KATNAL2: variants seen among roughly 807,000 people sequenced by gnomAD.
The protein encoded by KATNAL2 is katanin catalytic subunit A1 like 2.
Under a neutral mutation model 76.3 loss-of-function variants are expected in KATNAL2, and 52 were observed. The ratio of observed to expected loss-of-function variants is 0.68; its 90% confidence interval spans 0.55 to 0.86. KATNAL2 has a LOEUF of 0.86. KATNAL2 is among the 40% of genes least tolerant of loss of function. The pLI, the probability that KATNAL2 is intolerant of heterozygous loss-of-function variation, is 0.00. For synonymous variants in KATNAL2, 243 were observed against 244.2 expected, an observed-to-expected ratio of 1.00 and a Z score of 0.05; for missense variants, 660 against 668.9, an observed-to-expected ratio of 0.99 and a Z score of 0.15.
intron 3 of KATNAL2, among the ~76,000 whole-genome samples, chr18:47,031,958 C>G (rs1347946966): frequency 6.6e-6 from 1 of 152,110 alleles, no homozygotes; most frequent in African/African-American, 2.4e-5. Context: ...CAACAAATGC[C>G]CTGCTTTATA....
intron 13 of KATNAL2, among the ~76,000 whole-genome samples, chr18:47,072,847 T>C (rs529715999): frequency 1.3e-5 from 2 of 152,326 alleles, no homozygotes; most frequent in Non-Finnish European, 2.9e-5. Context: ...CACACTATTA[T>C]AGATAAAGCA....
intron 1 of KATNAL2, among the ~76,000 whole-genome samples, chr18:46,934,184 A>C (rs1378345189): frequency 6.6e-6 from 1 of 152,094 alleles, no homozygotes; most frequent in Non-Finnish European, 1.5e-5. Flanking sequence ...GGCTGGGTCA[A>C]ATGGTATTTC....
intron 13 of KATNAL2, among the ~76,000 whole-genome samples, chr18:47,072,744 C>G (rs2062050993): frequency 6.6e-6 from 1 of 152,204 alleles, no homozygotes; most frequent in African/African-American, 2.4e-5. Context: ...TAGCATCTCC[C>G]TGCCTTTCTA....
intron 1 of KATNAL2, among the ~76,000 whole-genome samples, chr18:46,923,568 A>G (rs554777849): frequency 0.011 from 1,677 of 152,276 alleles, 17 homozygotes; most frequent in Non-Finnish European, 0.017. Flanking sequence ...AGCATGATTT[A>G]TAATCCTTTG....
At chr18:47,067,344 A>C (rs1248105620) in intron 11 of KATNAL2, among the ~76,000 whole-genome samples, 2 of 152,208 alleles carry the variant, frequency 1.3e-5, no homozygotes, top group Non-Finnish European at 2.9e-5. Context: ...GTCTGAGCTA[A>C]GTGAAACTTT....
At chr18:47,038,613 G>A (rs762486173) in intron 3 of KATNAL2, among the ~76,000 whole-genome samples, 2 of 152,130 alleles carry the variant, frequency 1.3e-5, no homozygotes, top group Non-Finnish European at 2.9e-5. Context: ...CAAAAGGGTT[G>A]TACCAACTTA....
chr18:46,919,007 ATGTGTGTG>A lies in KATNAL2; in HGVS notation c.-510+1099_-510+1106del, dbSNP rs112427539. 2.2e-3 allele frequency among the ~76,000 whole-genome samples: 322 copies of A among 143,306 alleles called. 2 individuals carry two copies. The highest frequency in any genetic ancestry group is 3.7e-3 in the Non-Finnish European group (247 of 66,330). The allele number at this position is 143,306 out of a possible 152,430, so 94.0% of individuals were successfully genotyped here. A position where few individuals can be genotyped will look rare whatever the true frequency, so the allele number is the denominator to read the frequency against. ...TATGTGTGTGCGTGTATATATATAT[ATGTGTGTG>A]TGTGTGTGTGTGTGTGTTGTGTATA... On this transcript the variant is annotated intron_variant, in intron 1 of 17. Coordinates refer to ENST00000683218, the MANE Select transcript of KATNAL2 (RefSeq NM_001387690.1).
chr18:47,093,401 C>CT (rs557793941), intron 15 of KATNAL2, among the ~76,000 whole-genome samples: 15,266 of 127,668 alleles, frequency 0.12, 1,010 homozygotes, highest in African/African-American at 0.17. Flanking sequence ...TTTCTCTGTC[C>CT]TTTTTTTTTT....
At chr18:46,925,588 C>T (rs1424408391) in intron 1 of KATNAL2, among the ~76,000 whole-genome samples, 1 of 152,190 alleles carries the variant, frequency 6.6e-6, no homozygotes, top group Non-Finnish European at 1.5e-5. Context: ...CAGGATGATG[C>T]TGGCCTCATA....
At chr18:47,078,287 G>A (rs2062336738) in intron 15 of KATNAL2, among the ~76,000 whole-genome samples, 1 of 152,040 alleles carries the variant, frequency 6.6e-6, no homozygotes, top group South Asian at 2.1e-4. Context: ...AAACTCTTCT[G>A]TAGTGCATGC....
At chr18:47,040,797 A>T (rs2060936456) in intron 3 of KATNAL2, among the ~76,000 whole-genome samples, 1 of 152,194 alleles carries the variant, frequency 6.6e-6, no homozygotes, top group Non-Finnish European at 1.5e-5. Flanking sequence ...TTTAAAAAAG[A>T]ATGTGACCAA....
chr18:46,928,266 G>A (rs1023218426), intron 1 of KATNAL2, among the ~76,000 whole-genome samples: 33 of 152,118 alleles, frequency 2.2e-4, no homozygotes, highest in Admixed American at 1.2e-3. Context: ...GGTTTTTGGT[G>A]TGGATGTCCT....
intron 11 of KATNAL2, 67 bp downstream of exon 11, chr18:47,067,186 C>A: frequency 2.8e-6 from 2 of 718,980 alleles, no homozygotes; most frequent in Non-Finnish European, 4.7e-6. Flanking sequence ...GTATGTCACA[C>A]AACTATCAGG....
At chr18:46,938,104 A>C (rs2059144713) in intron 1 of KATNAL2, among the ~76,000 whole-genome samples, 1 of 152,204 alleles carries the variant, frequency 6.6e-6, no homozygotes, top group African/African-American at 2.4e-5. Flanking sequence ...AAAATTAAAA[A>C]AAAATGCTTT....
At chr18:47,031,594 A>T (rs565183055) in intron 3 of KATNAL2, among the ~76,000 whole-genome samples, 1 of 152,164 alleles carries the variant, frequency 6.6e-6, no homozygotes, top group Admixed American at 6.5e-5. Flanking sequence ...ACTTCCAGCT[A>T]CTTCTCCAGG....
chr18:47,035,329 C>G (rs1400245673), intron 3 of KATNAL2: 70 of 1,607,438 alleles, frequency 4.4e-5, no homozygotes, highest in Non-Finnish European at 5.7e-5. Flanking sequence ...GGCTGCGGGA[C>G]AGGAAGTCTG....
At chr18:47,067,702 T>C (rs2061856662) in intron 11 of KATNAL2, among the ~76,000 whole-genome samples, 1 of 152,240 alleles carries the variant, frequency 6.6e-6, no homozygotes. Context: ...ACAAATGGGT[T>C]AATGAGGAGA....
chr18:46,939,618 C>G (rs534650788), intron 1 of KATNAL2, among the ~76,000 whole-genome samples: 4 of 152,146 alleles, frequency 2.6e-5, no homozygotes, highest in Non-Finnish European at 5.9e-5. Flanking sequence ...ATCTTGCATG[C>G]TAGCCACAGT....
intron 15 of KATNAL2, among the ~76,000 whole-genome samples, chr18:47,085,137 G>T (rs1256502446): frequency 6.6e-6 from 1 of 152,184 alleles, no homozygotes; most frequent in Non-Finnish European, 1.5e-5. Flanking sequence ...TGGCGATTAA[G>T]CTTTACAGCC....
Sources: allele counts gnomAD v4.1 joint callset (sites outside exome capture counted in the v4.1 genomes callset), GRCh38; gene constraint gnomAD v4.1.1; transcripts MANE v1.5; gene names NCBI Gene and HGNC (gene_info 2026-07-23, HGNC 2026-07-21).